RGL1: variants seen among roughly 807,000 people sequenced by gnomAD.
The protein encoded by RGL1 is ral guanine nucleotide dissociation stimulator-like 1.
RGL1 carries 24 observed loss-of-function variants against 95.2 expected under a neutral mutation model. The observed-to-expected ratio is 0.25, with a 90% CI of 0.18 to 0.35. The LOEUF (loss-of-function observed/expected upper bound fraction) is 0.35, where lower values mean the gene tolerates loss of function less well. RGL1 is among the 10% of genes least tolerant of loss of function. The pLI is 1.00. For synonymous variants in RGL1, 329 were observed against 344.9 expected (o/e 0.95, Z 0.51); for missense variants, 715 against 936.3 (o/e 0.76, Z 3.08).
chr1:183,652,785 T>G (rs759547889), intron 1 of RGL1, among the ~76,000 whole-genome samples: 12 of 152,210 alleles, frequency 7.9e-5, no homozygotes, highest in Non-Finnish European at 1.6e-4. Context: ...TAGAGCAGAT[T>G]TGCTGGCAGT....
intron 2 of RGL1, among the ~76,000 whole-genome samples, chr1:183,764,366 A>C: frequency 6.6e-6 from 1 of 152,174 alleles, no homozygotes; most frequent in East Asian, 1.9e-4. Context: ...GAACTGATCA[A>C]TAGGAAGTAG....
chr1:183,750,745 C>T (rs567496384), intron 2 of RGL1, among the ~76,000 whole-genome samples: 30 of 152,246 alleles, frequency 2.0e-4, no homozygotes, highest in Admixed American at 5.9e-4. Flanking sequence ...GGGGTTTTTG[C>T]GTGGGCATCC....
chr1:183,702,264 C>G (rs2148626), intron 1 of RGL1, among the ~76,000 whole-genome samples: 72,143 of 151,860 alleles, frequency 0.48, 17,760 homozygotes, highest in East Asian at 0.76. Context: ...TGGTGAATTA[C>G]GCCCAACTGC....
chr1:183,882,260 A>G (rs192873228), intron 5 of RGL1, among the ~76,000 whole-genome samples: 20 of 152,378 alleles, frequency 1.3e-4, no homozygotes, highest in Admixed American at 1.3e-3. Context: ...GCACAGCAAC[A>G]TTATAGACAC....
intron 2 of RGL1, among the ~76,000 whole-genome samples, chr1:183,822,113 A>G (rs1662529300): frequency 6.6e-6 from 1 of 152,156 alleles, no homozygotes; most frequent in Non-Finnish European, 1.5e-5. Context: ...AAAGGCTCCA[A>G]AAATGAAGTT....
At chr1:183,687,004 C>T (rs1422970194) in intron 1 of RGL1, among the ~76,000 whole-genome samples, 3 of 152,172 alleles carry the variant, frequency 2.0e-5, no homozygotes, top group Admixed American at 1.3e-4. Flanking sequence ...CTTCTTCAAG[C>T]GTGACATCAA....
intron 2 of RGL1, among the ~76,000 whole-genome samples, chr1:183,815,703 C>T (rs893897747): frequency 6.6e-6 from 1 of 152,162 alleles, no homozygotes; most frequent in African/African-American, 2.4e-5. Context: ...GTTACTTAAC[C>T]TCTCTAGGCC....
At chr1:183,655,412 T>C (rs1490759633) in intron 1 of RGL1, among the ~76,000 whole-genome samples, 1 of 152,240 alleles carries the variant, frequency 6.6e-6, no homozygotes, top group Non-Finnish European at 1.5e-5. Flanking sequence ...ATTCATCACT[T>C]TAGTAGCAGT....
chr1:183,655,137 G>A (rs1017646504), intron 1 of RGL1, among the ~76,000 whole-genome samples: 2 of 152,194 alleles, frequency 1.3e-5, no homozygotes, highest in African/African-American at 2.4e-5. Flanking sequence ...GATATTATGA[G>A]ATTATAATGA....
Position 183,921,673 on chromosome 1 carries a change from T to A in RGL1, c.2005-549T>A, listed in dbSNP as rs1322894106. Among the ~76,000 whole-genome samples, 6 of 152,352 alleles carry A rather than the reference T, an allele frequency of 3.9e-5. No individual in the cohort carries two copies. The East Asian group carries it at 1.2e-3, about 29-fold the overall frequency. The stretch of plus-strand genomic sequence containing the variant: ...TCAGTTTTTAGCTATTGTGAATAAA[T>A]CTGCTATGAATGTTTGTGTACAAGT... On this transcript the variant is annotated intron_variant, in intron 16 of 17. Transcript: ENST00000360851.
chr1:183,766,050 G>C (rs1658943846), intron 2 of RGL1, among the ~76,000 whole-genome samples: 2 of 151,576 alleles, frequency 1.3e-5, no homozygotes, highest in African/African-American at 4.9e-5. Flanking sequence ...CCTGCACGTT[G>C]TGCATATGTA....
chr1:183,822,092 G>A (rs1662527496), intron 2 of RGL1, among the ~76,000 whole-genome samples: 1 of 152,170 alleles, frequency 6.6e-6, no homozygotes, highest in Admixed American at 6.5e-5. Context: ...AAGCCACAGA[G>A]AGAAGGGAGA....
At chr1:183,909,737 G>T (rs1232004472) in intron 14 of RGL1, among the ~76,000 whole-genome samples, 2 of 152,100 alleles carry the variant, frequency 1.3e-5, no homozygotes, top group African/African-American at 2.4e-5. Flanking sequence ...TTCTATTATT[G>T]TTGTTATTTT....
chr1:183,650,435 C>T (rs61811210), intron 1 of RGL1, among the ~76,000 whole-genome samples: 6 of 151,888 alleles, frequency 4.0e-5, no homozygotes, highest in African/African-American at 1.2e-4. Context: ...CCCAGTTACT[C>T]GGGAGGCTGA....
intron 2 of RGL1, among the ~76,000 whole-genome samples, chr1:183,844,522 A>G (rs150626378): frequency 2.0e-5 from 3 of 152,322 alleles, no homozygotes; most frequent in African/African-American, 7.2e-5. Flanking sequence ...CAGTAAAGAG[A>G]TATCATTGAC....
At chr1:183,788,987 G>A (rs1398222975) in intron 2 of RGL1, among the ~76,000 whole-genome samples, 1 of 152,158 alleles carries the variant, frequency 6.6e-6, no homozygotes, top group Non-Finnish European at 1.5e-5. Context: ...CTAAGAGATT[G>A]TTTTCTTTGG....
chr1:183,864,188 A>C (rs1436965614), intron 3 of RGL1, among the ~76,000 whole-genome samples: 4 of 152,248 alleles, frequency 2.6e-5, no homozygotes, highest in Admixed American at 6.5e-5. Flanking sequence ...CAGGAGCAGT[A>C]AAATGTGTAT....
rs1667587866 is a variant in RGL1, at chr1:183,894,600, A to C, written c.1140+2439A>C. On this transcript the variant is annotated intron_variant, in intron 9 of 17. Transcript: ENST00000360851. ...GGAATCACAAGGTACTTAGTTTCTC[A>C]AAAGAGTCACTAGGAAAAACTACCG... is the stretch of plus-strand genomic sequence containing the variant. Among the ~76,000 whole-genome samples the C allele has an allele frequency of 3.9e-5, 6 of 152,190 alleles. No individual in the cohort carries two copies. In the South Asian group the frequency reaches 1.2e-3, roughly 32 times the overall value.
At chr1:183,843,722 C>T (rs1016586907) in intron 2 of RGL1, among the ~76,000 whole-genome samples, 13 of 152,172 alleles carry the variant, frequency 8.5e-5, no homozygotes, top group South Asian at 2.1e-4. Context: ...TATCACAAGG[C>T]GAGGAAGCTT....
Sources: allele counts gnomAD v4.1 joint callset (sites outside exome capture counted in the v4.1 genomes callset), GRCh38; gene constraint gnomAD v4.1.1; transcripts MANE v1.5; gene names NCBI Gene and HGNC (gene_info 2026-07-23, HGNC 2026-07-21).